The following PTPRK variants were observed in gnomAD, a reference collection of about 807,000 sequenced individuals.
PTPRK encodes the protein receptor-type tyrosine-protein phosphatase kappa.
A neutral mutation model predicts 178.0 loss-of-function variants in PTPRK; 75 were observed. The observed-to-expected ratio is 0.42, with a 90% CI of 0.35 to 0.51. PTPRK has a LOEUF of 0.51. Among genes scored for constraint, PTPRK ranks in the 20% least tolerant of loss-of-function variants. PTPRK has a pLI of 0.02. For synonymous variants in PTPRK, 637 were observed against 620.6 expected (o/e 1.03, Z -0.39); for missense variants, 1,441 against 1,797.8 (o/e 0.80, Z 3.59).
At chr6:128,283,127 C>T (rs1821940683) in intron 3 of PTPRK, among the ~76,000 whole-genome samples, 1 of 152,134 alleles carries the variant, frequency 6.6e-6, no homozygotes, top group Admixed American at 6.5e-5. Flanking sequence ...AGGAAGAACC[C>T]AGCTTGTGTT....
Position 128,248,550 on chromosome 6 carries a change from A to G in PTPRK, c.496-5948T>C, listed in dbSNP as rs115236345. Among the ~76,000 whole-genome samples the G allele has an allele frequency of 9.9e-3, 1,502 of 152,290 alleles. 20 individuals are homozygous for G. The highest frequency in any genetic ancestry group is 0.034 in the African/African-American group (1,423 of 41,574). ...CACAAAAGCTTATTAATAAAAGAGT[A>G]TCTAAAGGAGAAGAGATGTCAGGAA... On this transcript the variant is annotated intron_variant, in intron 3 of 29. Coordinates refer to ENST00000368226, the MANE Select transcript of PTPRK (RefSeq NM_002844.4).
chr6:128,151,912 G>T (rs985853834), intron 7 of PTPRK, among the ~76,000 whole-genome samples: 2 of 150,772 alleles, frequency 1.3e-5, no homozygotes, highest in East Asian at 1.9e-4. Context: ...AAATTAAAGG[G>T]TTTTTTTTTC....
intron 1 of PTPRK, among the ~76,000 whole-genome samples, chr6:128,453,376 C>A (rs1333492216): frequency 2.6e-5 from 4 of 152,232 alleles, no homozygotes; most frequent in Middle Eastern, 3.4e-3. Flanking sequence ...TAACTTTAGA[C>A]AAGTAGATAA....
intron 6 of PTPRK, among the ~76,000 whole-genome samples, chr6:128,198,774 G>A (rs920775031): frequency 3.3e-5 from 5 of 151,994 alleles, no homozygotes; most frequent in African/African-American, 7.2e-5. Flanking sequence ...TGAAATAAAC[G>A]CACTTTTTCT....
chr6:128,315,572 CT>C (rs1827879791), intron 3 of PTPRK, among the ~76,000 whole-genome samples: 1 of 152,050 alleles, frequency 6.6e-6, no homozygotes, highest in Non-Finnish European at 1.5e-5. Flanking sequence ...AAATTGTCCA[CT>C]AGATTACATG....
At chr6:128,172,665 C>A (rs890588337) in intron 7 of PTPRK, among the ~76,000 whole-genome samples, 15 of 145,158 alleles carry the variant, frequency 1.0e-4, no homozygotes, top group African/African-American at 3.6e-4. Context: ...ATATACACAC[C>A]CACTATAGAT....
chr6:128,003,963 G>A (rs1778140549), intron 15 of PTPRK, among the ~76,000 whole-genome samples: 1 of 151,676 alleles, frequency 6.6e-6, no homozygotes, highest in Non-Finnish European at 1.5e-5. Context: ...AAAATGATGG[G>A]CTTCATTTTA....
chr6:128,030,650 A>G (rs923888750), intron 13 of PTPRK, among the ~76,000 whole-genome samples: 1 of 152,162 alleles, frequency 6.6e-6, no homozygotes, highest in Non-Finnish European at 1.5e-5. Context: ...GGGCTTCTTC[A>G]TTTCCACAGA....
At chr6:128,401,266 G>C (rs542961878) in intron 1 of PTPRK, among the ~76,000 whole-genome samples, 2 of 152,058 alleles carry the variant, frequency 1.3e-5, no homozygotes, top group African/African-American at 4.8e-5. Flanking sequence ...GAAACTGCTC[G>C]GTGAAAAATG....
At chr6:128,321,201 G>A (rs1828738856) in intron 3 of PTPRK, 1 of 152,128 alleles carries the variant, frequency 6.6e-6, no homozygotes, top group Admixed American at 6.6e-5. Context: ...ATTCTCTTTA[G>A]GCTTTATAAT....
intron 15 of PTPRK, among the ~76,000 whole-genome samples, chr6:128,000,628 A>G (rs1396016924): frequency 1.3e-5 from 2 of 152,048 alleles, no homozygotes; most frequent in Non-Finnish European, 2.9e-5. Flanking sequence ...CAATGGATCT[A>G]CTTCTATTAA....
chr6:128,108,431 C>T (rs992955537), intron 7 of PTPRK, among the ~76,000 whole-genome samples: 1 of 151,930 alleles, frequency 6.6e-6, no homozygotes, highest in African/African-American at 2.4e-5. Flanking sequence ...TCATTTAGTA[C>T]CCATAAGAAC....
chr6:127,978,847 G>T (rs1315864418), intron 25 of PTPRK, among the ~76,000 whole-genome samples: 1 of 152,144 alleles, frequency 6.6e-6, no homozygotes, highest in Admixed American at 6.5e-5. Flanking sequence ...TCATAGACCT[G>T]GCAAAAGGGT....
intron 7 of PTPRK, among the ~76,000 whole-genome samples, chr6:128,158,307 G>A (rs762232213): frequency 3.0e-4 from 46 of 151,858 alleles, no homozygotes; most frequent in Non-Finnish European, 5.7e-4. Flanking sequence ...AATACCTAAT[G>A]TAAATGATGA....
At chr6:128,508,731 T>A (rs1856729258) in intron 1 of PTPRK, among the ~76,000 whole-genome samples, 1 of 151,732 alleles carries the variant, frequency 6.6e-6, no homozygotes, top group Non-Finnish European at 1.5e-5. Flanking sequence ...TCACCTGAGG[T>A]CAGGAGTTCA....
chr6:128,484,690 A>G (rs571025419), intron 1 of PTPRK, among the ~76,000 whole-genome samples: 4 of 152,238 alleles, frequency 2.6e-5, no homozygotes, highest in African/African-American at 7.2e-5. Context: ...TATTTTAAAA[A>G]CAAAGTGTTG....
At chr6:128,336,589 T>C (rs1173697743) in intron 2 of PTPRK, among the ~76,000 whole-genome samples, 2 of 152,170 alleles carry the variant, frequency 1.3e-5, no homozygotes, top group African/African-American at 4.8e-5. Flanking sequence ...TTAACATTCA[T>C]AAGCTAAATG....
chr6:128,452,803 T>C (rs1292627), intron 1 of PTPRK, among the ~76,000 whole-genome samples: 144,465 of 152,202 alleles, frequency 0.95, 68,652 homozygotes, highest in East Asian at 1. Flanking sequence ...CTATATAGGT[T>C]TCCTGTTTTG....
intron 5 of PTPRK, among the ~76,000 whole-genome samples, chr6:128,231,210 A>C (rs986924682): frequency 6.6e-6 from 1 of 152,216 alleles, no homozygotes; most frequent in Non-Finnish European, 1.5e-5. Flanking sequence ...TTCTTTATAT[A>C]AAGCTATGCA....
Sources: allele counts gnomAD v4.1 joint callset (sites outside exome capture counted in the v4.1 genomes callset), GRCh38; gene constraint gnomAD v4.1.1; transcripts MANE v1.5; gene names NCBI Gene and HGNC (gene_info 2026-07-23, HGNC 2026-07-21).